ERP44: variants seen among roughly 807,000 people sequenced by gnomAD.
The protein encoded by ERP44 is endoplasmic reticulum protein 44.
Under a neutral mutation model 53.4 loss-of-function variants are expected in ERP44, and 25 were observed. The ratio of observed to expected loss-of-function variants is 0.47; its 90% CI spans 0.34 to 0.65. The LOEUF is 0.65. Ranked by LOEUF, ERP44 falls within the 30% of genes least tolerant of loss-of-function variation. The probability of loss-of-function intolerance (pLI) is 0.01; values close to 1 mark genes in which losing one functional copy is unlikely to be tolerated. For missense variants in ERP44, 338 were observed against 493.2 expected, an observed-to-expected ratio of 0.69 and a Z score of 2.98; for synonymous variants, 145 against 161.2, an observed-to-expected ratio of 0.90 and a Z score of 0.76.
chr9:100,068,234 G>T (rs1471820309), intron 1 of ERP44, among the ~76,000 whole-genome samples: 1 of 145,334 alleles, frequency 6.9e-6, no homozygotes, highest in Non-Finnish European at 1.5e-5. Flanking sequence ...CCGGCCAGCC[G>T]CCCCGTACGG....
chr9:100,070,231 TAC>T (rs887962325), intron 1 of ERP44, among the ~76,000 whole-genome samples: 2 of 152,218 alleles, frequency 1.3e-5, no homozygotes, highest in African/African-American at 4.8e-5. Context: ...TACATGTTGG[TAC>T]ATACATCTTT....
rs1830124077 is a variant in ERP44 at position 99,979,455 on chromosome 9, T to C, written c.*3157A>G. 1 of 152,408 alleles carries C rather than the reference T, an allele frequency of 6.6e-6. No homozygotes were observed. The highest frequency in any genetic ancestry group is 2.4e-5 in the African/African-American group (1 of 41,454). 9.4% of individuals were successfully genotyped at this position (152,408 alleles called of 1,614,324 possible). A position where few individuals can be genotyped will look rare whatever the true frequency, so the allele number is the denominator to read the frequency against. On this transcript the variant is annotated 3_prime_UTR_variant, in exon 12 of 12. Transcript: ENST00000262455. ...AGCTTTTGTCATGCCAGTTTTCCCT[T>C]CTTTTGCAAATGATCTTTGACAACC...
At chr9:99,990,318 G>A (rs1306163681) in intron 10 of ERP44, among the ~76,000 whole-genome samples, 4 of 152,136 alleles carry the variant, frequency 2.6e-5, no homozygotes, top group African/African-American at 9.7e-5. Context: ...CGGATATCTC[G>A]GCAGAAACTC....
intron 1 of ERP44, among the ~76,000 whole-genome samples, chr9:100,077,208 A>G (rs1252339481): frequency 6.6e-6 from 1 of 152,220 alleles, no homozygotes; most frequent in Non-Finnish European, 1.5e-5. Context: ...GACTCGAGGC[A>G]TGCCTTATCC....
chr9:100,067,532 G>C (rs1240152812), intron 1 of ERP44, among the ~76,000 whole-genome samples: 1 of 152,130 alleles, frequency 6.6e-6, no homozygotes, highest in Non-Finnish European at 1.5e-5. Context: ...GCGTGATCTC[G>C]GCTCGCCACA....
Position 100,022,196 on chromosome 9 carries a change from T to G in ERP44, c.317A>C (p.Lys106Thr). 6.2e-7 allele frequency: 1 copy of G among 1,613,464 alleles called. No homozygotes were observed. Among genetic ancestry groups the G allele is most frequent in the Non-Finnish European group, 8.5e-7 (1 of 1,179,710 alleles). The change falls in exon 5 of 12, where the codon AAA becomes ACA. Residue 106 changes from lysine to threonine, a missense_variant. By Grantham distance (78) the Lys-to-Thr change is moderately conservative. This residue lies in a region of ERP44 where 224 missense variants were observed against 301.4 expected (regional missense o/e 0.74). Coordinates refer to ENST00000262455, the MANE Select transcript of ERP44 (RefSeq NM_015051.3). ...SDIAQRYRIS[K>T]YPTLKLFRNG... ...ACGAAACAATTTGAGGGTTGGGTAT[T>G]TGCTTATCCTGTATCTCTGGGCTAT...
intron 3 of ERP44, among the ~76,000 whole-genome samples, chr9:100,057,219 A>G (rs370755536): frequency 6.6e-6 from 1 of 152,200 alleles, no homozygotes; most frequent in South Asian, 2.1e-4. Context: ...GAATCTTTCC[A>G]GCTGAATCTC....
chr9:100,091,683 A>T (rs755295882), intron 1 of ERP44, among the ~76,000 whole-genome samples: 39 of 152,234 alleles, frequency 2.6e-4, no homozygotes, highest in Non-Finnish European at 5.4e-4. Flanking sequence ...ATTCAAATTC[A>T]TCTTTTTCCA....
intron 1 of ERP44, among the ~76,000 whole-genome samples, chr9:100,090,711 T>C (rs1000610128): frequency 1.6e-4 from 25 of 151,668 alleles, no homozygotes; most frequent in African/African-American, 5.8e-4. Context: ...ATCACGCCAT[T>C]GCATTCCAGC....
chr9:100,014,431 C>A (rs866785882), intron 8 of ERP44, among the ~76,000 whole-genome samples: 1 of 151,972 alleles, frequency 6.6e-6, no homozygotes, highest in Admixed American at 6.6e-5. Flanking sequence ...ATTACAGGCG[C>A]CTGCCACCAC....
intron 11 of ERP44, among the ~76,000 whole-genome samples, chr9:99,983,572 A>G (rs913269213): frequency 5.3e-5 from 8 of 151,252 alleles, no homozygotes; most frequent in South Asian, 2.1e-4. Flanking sequence ...AAAAAAAAAA[A>G]AAAGAAAAGG....
chr9:100,073,649 T>G (rs1366429342), intron 1 of ERP44, among the ~76,000 whole-genome samples: 2 of 152,220 alleles, frequency 1.3e-5, no homozygotes, highest in Non-Finnish European at 2.9e-5. Context: ...CTAAAAACTG[T>G]TTCACAAGAA....
intron 4 of ERP44, among the ~76,000 whole-genome samples, chr9:100,045,420 A>C (rs775301429): frequency 6.6e-6 from 1 of 152,162 alleles, no homozygotes; most frequent in Non-Finnish European, 1.5e-5. Context: ...GTAGCTATAG[A>C]ACCTTCCACA....
At chr9:99,983,037 C>T (rs1031792514) in intron 11 of ERP44, among the ~76,000 whole-genome samples, 1 of 152,086 alleles carries the variant, frequency 6.6e-6, no homozygotes, top group South Asian at 2.1e-4. Context: ...ACAGCACAAC[C>T]CTAGGTTGGC....
chr9:100,098,588 G>A (rs1343157598), intron 1 of ERP44, among the ~76,000 whole-genome samples, 196 bp downstream of exon 1: 2 of 152,208 alleles, frequency 1.3e-5, no homozygotes, highest in Non-Finnish European at 2.9e-5. Flanking sequence ...ATTCTCCCCC[G>A]ACACTGGTTT....
chr9:100,009,482 CCA>C (rs1564088784), intron 8 of ERP44, among the ~76,000 whole-genome samples: 3 of 152,148 alleles, frequency 2.0e-5, no homozygotes, highest in Non-Finnish European at 4.4e-5. Context: ...TCCCCTCTCC[CCA>C]CCCCCTGGCA....
chr9:100,043,291 A>AAAAAAAG (rs1168903331), intron 4 of ERP44, among the ~76,000 whole-genome samples: 4,607 of 74,814 alleles, frequency 0.062, 1,413 homozygotes, highest in East Asian at 0.26. Context: ...AAAAAAAAAA[A>AAAAAAAG]GATAAATAAG....
chr9:99,998,378 C>G lies in ERP44; in HGVS notation c.1016+8128G>C, dbSNP rs1394383016. ...CAGTTCCTCCCGCTTCCGCCACACG[C>G]GAGCTCCCGGATCATACAGCTGCAA... On this transcript the variant is annotated intron_variant, in intron 10 of 11. Coordinates refer to ENST00000262455, the MANE Select transcript of ERP44 (RefSeq NM_015051.3). The G allele has an allele frequency of 2.3e-5, 14 of 609,078 alleles. 1 individual carries two copies. In the South Asian group the frequency reaches 2.3e-4, roughly 10 times the overall value. 37.7% of individuals were successfully genotyped at this position (609,078 alleles called of 1,614,324 possible).
chr9:100,030,416 G>A (rs1825768447), intron 4 of ERP44, among the ~76,000 whole-genome samples: 2 of 152,170 alleles, frequency 1.3e-5, no homozygotes, highest in Non-Finnish European at 2.9e-5. Flanking sequence ...ATGGGATTGG[G>A]TTAGAGGCCC....
Sources: allele counts gnomAD v4.1 joint callset (sites outside exome capture counted in the v4.1 genomes callset), GRCh38; gene constraint gnomAD v4.1.1; regional missense constraint gnomAD v4.1.1; transcripts MANE v1.5; gene names NCBI Gene and HGNC (gene_info 2026-07-23, HGNC 2026-07-21).